AP4B1: variants seen among roughly 807,000 people sequenced by gnomAD.
AP4B1 encodes the protein adaptor related protein complex 4 subunit beta 1.
In AP4B1, 49 loss-of-function variants were observed where a neutral mutation model predicts 76.5. That is an observed-to-expected ratio of 0.64 (90% CI 0.51 to 0.81). The LOEUF is 0.81. Among genes scored for constraint, AP4B1 ranks in the 40% least tolerant of loss-of-function variants. The probability of loss-of-function intolerance (pLI) is 0.00; values close to 1 mark genes in which losing one functional copy is unlikely to be tolerated. For synonymous variants in AP4B1, 330 were observed against 333.3 expected (o/e 0.99, Z 0.11); for missense variants, 911 against 904.9 (o/e 1.01, Z -0.09).
chr1:113,904,494 A>AT (rs2101055645), intron 1 of AP4B1, 111 bp downstream of exon 1: 1 of 1,016,726 alleles, frequency 9.8e-7, no homozygotes, highest in Non-Finnish European at 1.6e-6. Flanking sequence ...ACCGAACCAT[A>AT]TAACTGCCAC....
chr1:113,902,217 A>G (rs1203738418), intron 2 of AP4B1: 4 of 401,434 alleles, frequency 1.0e-5, no homozygotes, highest in Non-Finnish European at 1.9e-5. Context: ...TTTTTTGTAG[A>G]TATAGGCTCT....
chr1:113,897,756 G>C, intron 7 of AP4B1, 84 bp downstream of exon 7: 1 of 1,434,770 alleles, frequency 7.0e-7, no homozygotes, highest in Non-Finnish European at 9.7e-7. Flanking sequence ...ACACAGGGTA[G>C]AGAGAATAAT....
Position 113,895,427 on chromosome 1 carries a change from G to C in AP4B1, c.1858C>G (p.Leu620Val), listed in dbSNP as rs373468800. ...QELPDSGALM[L>V]VPNRQLTADY... ...GCAGTAAGCTGGCGATTGGGGACTA[G>C]CATGAGGGCTCCAGAATCAGGGAGT... Residue 620 changes from leucine to valine, a missense_variant, in exon 10 of 10, where the codon CTA becomes GTA. Transcript: ENST00000369569. 2 of 1,614,088 alleles carry C rather than the reference G, an allele frequency of 1.2e-6. No homozygotes were observed. The highest frequency in any genetic ancestry group is 1.7e-5 in the Admixed American group (1 of 59,994).
chr1:113,895,176 G>A lies in AP4B1; in HGVS notation c.2109C>T (p.Asn703=), dbSNP rs1344489521. 1.9e-6 allele frequency: 3 copies of A among 1,614,074 alleles called. No individual in the cohort carries two copies. Among genetic ancestry groups the A allele is most frequent in the African/African-American group, 2.7e-5 (2 of 74,930 alleles). ...GTTTCACAGAGATCTGCATTTCTGA[G>A]TTTCCAGGCTCCAATAGCAGTTCTG... ...FLTELLLEPG[N]SEMQISVKQN... is the part of the protein sequence containing the mutation. Residue 703 remains asparagine, a synonymous_variant, in exon 10 of 10, where the codon AAC becomes AAT. Coordinates refer to ENST00000369569, the MANE Select transcript of AP4B1 (RefSeq NM_001253852.3).
rs28364561 is a variant in AP4B1 at position 113,904,082 on chromosome 1, A to C, written c.113+523T>G. Among the ~76,000 whole-genome samples the C allele has an allele frequency of 4.2e-3, 633 of 152,342 alleles. 6 individuals carry two copies. Among genetic ancestry groups the C allele is most frequent in the African/African-American group, 0.014 (601 of 41,574 alleles). Reference sequence around the variant, plus strand: ...TATTGATGAAGGCCTGGACCAGAACAACAATGCTAATAAACAAGAGAGGAT... The same window carrying C: ...TATTGATGAAGGCCTGGACCAGAACCACAATGCTAATAAACAAGAGAGGAT... On this transcript the variant is annotated intron_variant, in intron 1 of 9. Coordinates refer to ENST00000369569, the MANE Select transcript of AP4B1 (RefSeq NM_001253852.3).
In AP4B1 at chr1:113,901,680, C is replaced by T. The variant is rs542693038; in HGVS notation, c.469+75G>A. Reference sequence around the variant, plus strand: ...ACTGGGGCCACATTATTATTTTCTACCAAAGCCACACAATCTTTTTTAAAG... The same window carrying T: ...ACTGGGGCCACATTATTATTTTCTATCAAAGCCACACAATCTTTTTTAAAG... On this transcript the variant is annotated intron_variant, in intron 3 of 9. Coordinates refer to ENST00000369569, the MANE Select transcript of AP4B1 (RefSeq NM_001253852.3). 5.4e-5 allele frequency: 86 copies of T among 1,590,572 alleles called. No homozygotes were observed. In the South Asian group the frequency reaches 8.9e-4, roughly 16 times the overall value.
At chr1:113,900,879 G>A (rs971717915) in intron 4 of AP4B1, 3 of 301,426 alleles carry the variant, frequency 1.0e-5, no homozygotes, top group Admixed American at 9.4e-5. Context: ...AGGCTGAGGC[G>A]GGCGGATCAC....
At chr1:113,895,666 G>A (rs774615608) in intron 9 of AP4B1, 91 bp downstream of exon 9, 3 of 1,572,870 alleles carry the variant, frequency 1.9e-6, no homozygotes, top group Admixed American at 1.7e-5. Context: ...GCAACAGTCT[G>A]AGGTTTAGTG....
At chr1:113,899,854 T>C (rs1350339670) in intron 5 of AP4B1, 50 bp downstream of exon 5, 4 of 1,614,038 alleles carry the variant, frequency 2.5e-6, no homozygotes, top group Admixed American at 1.7e-5. Flanking sequence ...ACCACAGTTT[T>C]CTTGCTGGCT....
At chr1:113,900,559 GT>G in intron 4 of AP4B1, 159 bp from the exon 5 acceptor site, 2 of 900,642 alleles carry the variant, frequency 2.2e-6, no homozygotes, top group Non-Finnish European at 3.3e-6. Context: ...ACTATTTAAA[GT>G]TTACACAAAA....
At chr1:113,898,454 A>AT (rs1667765642) in intron 6 of AP4B1, among the ~76,000 whole-genome samples, 2 of 152,222 alleles carry the variant, frequency 1.3e-5, no homozygotes, top group African/African-American at 2.4e-5. Context: ...AAACAAAAAG[A>AT]GAAGTAAAGA....
In AP4B1 at chr1:113,896,365, G is replaced by A. The variant is rs1344441371; in HGVS notation, c.1403C>T (p.Thr468Ile). 6.2e-7 allele frequency: 1 copy of A among 1,614,208 alleles called. No homozygotes were observed. The highest frequency in any genetic ancestry group is 2.2e-5 in the East Asian group (1 of 44,882). Residue 468 changes from threonine (T) to isoleucine (I), a missense_variant, in exon 8 of 10, where the codon ACA (threonine) becomes ATA (isoleucine). Coordinates refer to ENST00000369569, the MANE Select transcript of AP4B1 (RefSeq NM_001253852.3). ...CAGCTCCATCTTAACAGCTGGAAAT[G>A]TTTCCGACTTCACATTCTCAACAAA... is the stretch of plus-strand genomic sequence containing the variant. ...EDFVENVKSE[T>I]FPAVKMELLT...
upstream of AP4B1, chr1:113,904,933 AG>A (rs1668792986): frequency 9.3e-6 from 5 of 538,010 alleles, no homozygotes; most frequent in Non-Finnish European, 1.7e-5. Context: ...TAGGCTCTTC[AG>A]GCCCTACCGT....
At chr1:113,898,034 T>G in intron 6 of AP4B1, 91 bp from the exon 7 acceptor site, 1 of 1,592,094 alleles carries the variant, frequency 6.3e-7, no homozygotes, top group Non-Finnish European at 8.5e-7. Flanking sequence ...GACTCATGAT[T>G]CTGGCTGGAT....
chr1:113,900,313 G>A lies in AP4B1; in HGVS notation c.705C>T (p.Asp235=). 1 of 1,606,684 alleles carries A rather than the reference G, an allele frequency of 6.2e-7. No individual in the cohort carries two copies. The highest frequency in any genetic ancestry group is 8.5e-7 in the Non-Finnish European group (1 of 1,176,480). Residue 235 remains aspartate, a synonymous_variant, in exon 5 of 10, where the codon GAC becomes GAT. Coordinates refer to ENST00000369569, the MANE Select transcript of AP4B1 (RefSeq NM_001253852.3). ...YQPRSEEELF[D]ILNLLDSFLK... is the part of the protein sequence containing the mutation. ...GGAAACTATCCAACAGATTGAGAATGTCAAATAGTTCTTCCTCACTGCGGG... is the reference window on the plus strand; with the variant it reads ...GGAAACTATCCAACAGATTGAGAATATCAAATAGTTCTTCCTCACTGCGGG...
In AP4B1 at chr1:113,901,343, G is replaced by A. The variant is rs1668236382; in HGVS notation, c.510C>T (p.Asp170=). 1 of 1,613,940 alleles carries A rather than the reference G, an allele frequency of 6.2e-7. No homozygotes were observed. Among genetic ancestry groups the A allele is most frequent in the Admixed American group, 1.7e-5 (1 of 59,990 alleles). Residue 170 remains aspartate (D), a synonymous_variant, in exon 4 of 10, where the codon GAC becomes GAT. Transcript: ENST00000369569. ...AGTTCACAACTACAATTGGATCCTG[G>A]TCACGCAGCAAACTGTATAATTCAT... ...LVNELYSLLR[D]QDPIVVVNCL... is the part of the protein sequence containing the mutation.
At position 113,899,893 on chromosome 1, in the gene AP4B1, C is replaced by T; in HGVS notation, c.1114+11G>A. 6.2e-7 allele frequency: 1 copy of T among 1,614,124 alleles called. No individual in the cohort carries two copies. Among genetic ancestry groups the T allele is most frequent in the South Asian group, 1.1e-5 (1 of 91,080 alleles). The stretch of plus-strand genomic sequence containing the variant: ...CTAGGTTCTCAAGAAGGAAAAGGAG[C>T]AGACACCTACCTATGGCAAAGATGG... On this transcript the variant is annotated intron_variant, in intron 5 of 9. Transcript: ENST00000369569.
Position 113,900,071 on chromosome 1 carries a change from T to C in AP4B1, c.947A>G (p.Lys316Arg), listed in dbSNP as rs772533899. ...SLPGHFSSHY[K>R]KFFCSYSEPH... Reference sequence around the variant, plus strand: ...CTCCGAGTAGGAGCAAAAAAACTTTTTGTAGTGGCTGCTAAAGTGACCTGG... The same window carrying C: ...CTCCGAGTAGGAGCAAAAAAACTTTCTGTAGTGGCTGCTAAAGTGACCTGG... Residue 316 changes from lysine to arginine, a missense_variant, in exon 5 of 10, where the codon AAA becomes AGA. Physicochemically the swap from Lys to Arg is conservative, Grantham distance 26. Transcript: ENST00000369569. The C allele has an allele frequency of 1.2e-6, 2 of 1,614,080 alleles. No individual in the cohort carries two copies. The highest frequency in any genetic ancestry group is 8.5e-7 in the Non-Finnish European group (1 of 1,180,046).
At position 113,897,844 on chromosome 1, in the gene AP4B1, C is replaced by T. The variant is rs760909929; in HGVS notation, c.1298G>A (p.Ser433Asn). 1.2e-6 allele frequency: 2 copies of T among 1,614,108 alleles called. No individual in the cohort carries two copies. Among genetic ancestry groups the T allele is most frequent in the Admixed American group, 3.3e-5 (2 of 60,032 alleles). ...TAAAGGAGAATTACAGTCTACCTCA[C>T]TATCTTGAATGTTCTCTTCACAGCC... is the stretch of plus-strand genomic sequence containing the variant. Reference protein sequence around the residue: ...LPGCEENIQDSEGKQALIWLL... With the variant: ...LPGCEENIQDNEGKQALIWLL... The change falls in exon 7 of 10, where the codon AGT becomes AAT. Residue 433 changes from serine to asparagine, a missense_variant. Transcript: ENST00000369569.
Sources: gnomAD v4.1 joint callset for allele counts (sites outside exome capture counted in the v4.1 genomes callset) on GRCh38, gnomAD v4.1.1 for gene constraint, MANE v1.5 for transcripts, NCBI Gene and HGNC (gene_info 2026-07-23, HGNC 2026-07-21) for gene names.